GALNT13: variants seen among roughly 807,000 people sequenced by gnomAD.
GALNT13 encodes polypeptide N-acetylgalactosaminyltransferase 13, also known as UDP-GalNAc:polypeptide N-acetylgalactosaminyltransferase 13.
A neutral mutation model predicts 64.2 loss-of-function variants in GALNT13; 28 were observed. That is an observed-to-expected ratio of 0.44 (90% confidence interval 0.32 to 0.60). The LOEUF is 0.60. Among genes scored for constraint, GALNT13 ranks in the 20% least tolerant of loss-of-function variants. The probability of loss-of-function intolerance (pLI) is 0.05; values close to 1 mark genes in which losing one functional copy is unlikely to be tolerated. For synonymous variants in GALNT13, 214 were observed against 224.6 expected (o/e 0.95, Z 0.42); for missense variants, 577 against 669.8 (o/e 0.86, Z 1.53).
At chr2:153,139,543 A>G in the GALNT13 span, among the ~76,000 whole-genome samples, 24 of 152,068 alleles carry the variant, frequency 1.6e-4, no homozygotes, top group South Asian at 5.0e-3. Flanking sequence ...CTTAGAAGAG[A>G]TGGCATCTGA....
upstream of GALNT13, among the ~76,000 whole-genome samples, chr2:153,867,771 G>A (rs1360342304): frequency 6.6e-6 from 1 of 151,768 alleles, no homozygotes; most frequent in African/African-American, 2.4e-5. Flanking sequence ...TTCTCATAAG[G>A]AGCACAACCT....
At chr2:153,826,358 G>A in the GALNT13 span, among the ~76,000 whole-genome samples, 6 of 152,186 alleles carry the variant, frequency 3.9e-5, no homozygotes, top group African/African-American at 1.4e-4. Context: ...GCAGAGTCAT[G>A]TCTTCTCATG....
At chr2:153,478,095 G>T in the GALNT13 span, 1 of 680,562 alleles carries the variant, frequency 1.5e-6, no homozygotes, top group Non-Finnish European at 2.4e-6. Flanking sequence ...GAAACCGGTC[G>T]CTTCTTTCCG....
chr2:153,292,842 A>G, the GALNT13 span, among the ~76,000 whole-genome samples: 78 of 152,218 alleles, frequency 5.1e-4, no homozygotes, highest in Non-Finnish European at 4.7e-4. Flanking sequence ...TATAATTCCC[A>G]TCAGACATTT....
intron 9 of GALNT13, among the ~76,000 whole-genome samples, chr2:154,344,036 C>G (rs1695922762): frequency 6.6e-6 from 1 of 151,870 alleles, no homozygotes; most frequent in Non-Finnish European, 1.5e-5. Context: ...TTTTCTCTCT[C>G]CTTGTGAGTC....
chr2:153,512,844 T>C, the GALNT13 span, among the ~76,000 whole-genome samples: 1 of 152,222 alleles, frequency 6.6e-6, no homozygotes, highest in Non-Finnish European at 1.5e-5. Context: ...TGGCAAAGAA[T>C]GAGTAAAACT....
the GALNT13 span, among the ~76,000 whole-genome samples, chr2:153,571,615 A>C: frequency 6.6e-6 from 1 of 151,976 alleles, no homozygotes; most frequent in Non-Finnish European, 1.5e-5. Flanking sequence ...ATATTGACAT[A>C]TGTTCCTTCT....
At chr2:153,974,100 CTT>C (rs1276871278) in intron 3 of GALNT13, among the ~76,000 whole-genome samples, 4 of 152,074 alleles carry the variant, frequency 2.6e-5, no homozygotes, top group Non-Finnish European at 2.9e-5. Context: ...CCCTACCAAT[CTT>C]TTCTCCACAC....
chr2:154,037,733 G>A (rs1698744621), intron 3 of GALNT13, among the ~76,000 whole-genome samples: 2 of 152,108 alleles, frequency 1.3e-5, no homozygotes, highest in South Asian at 4.1e-4. Flanking sequence ...TGGAAAAGAA[G>A]TCAAGAAAGT....
intron 7 of GALNT13, among the ~76,000 whole-genome samples, chr2:154,258,302 C>T (rs977611373): frequency 4.6e-5 from 7 of 152,036 alleles, no homozygotes; most frequent in African/African-American, 1.2e-4. Flanking sequence ...GAATTTTGAA[C>T]GTGAAACCAA....
At chr2:154,357,278 A>G (rs1162449205) in intron 9 of GALNT13, among the ~76,000 whole-genome samples, 2 of 152,194 alleles carry the variant, frequency 1.3e-5, no homozygotes, top group African/African-American at 2.4e-5. Flanking sequence ...ATTTGGGGCA[A>G]TATGTATTCT....
rs1408279187 is a variant in GALNT13 at position 154,164,257 on chromosome 2, TA to T, written c.311+23753del. On this transcript the variant is annotated intron_variant, in intron 4 of 12. Transcript: ENST00000392825. ...AATCTTTATCAGGAAAAACTGGTAA[TA>T]GGGGTAAATTACCATATAGATGATC... Among the ~76,000 whole-genome samples the T allele has an allele frequency of 7.2e-5, 11 of 152,174 alleles. No homozygotes were observed. In the South Asian group the frequency reaches 1.2e-3, roughly 17 times the overall value.
At chr2:153,279,661 T>G in the GALNT13 span, among the ~76,000 whole-genome samples, 1 of 152,170 alleles carries the variant, frequency 6.6e-6, no homozygotes, top group Non-Finnish European at 1.5e-5. Flanking sequence ...TGAATTTTAT[T>G]TATGGATTTT....
the GALNT13 span, among the ~76,000 whole-genome samples, chr2:153,698,922 G>A: frequency 3.3e-5 from 5 of 152,106 alleles, no homozygotes; most frequent in South Asian, 2.1e-4. Flanking sequence ...TAGTACTCAC[G>A]ATTAAGAAAT....
intron 9 of GALNT13, among the ~76,000 whole-genome samples, chr2:154,380,615 A>G (rs1698221216): frequency 6.6e-6 from 1 of 152,092 alleles, no homozygotes; most frequent in Non-Finnish European, 1.5e-5. Context: ...AGACATTCCA[A>G]GTGAAATCTG....
chr2:154,449,365 C>G (rs707077), intron 12 of GALNT13, among the ~76,000 whole-genome samples: 64,361 of 148,140 alleles, frequency 0.43, 15,364 homozygotes, highest in Admixed American at 0.58. Context: ...GTTCCTCTAC[C>G]ATTTTTATGG....
the GALNT13 span, among the ~76,000 whole-genome samples, chr2:153,363,455 T>C: frequency 4.6e-5 from 7 of 152,048 alleles, no homozygotes; most frequent in Admixed American, 4.6e-4. Context: ...AGCTGGTTTT[T>C]TGAAAAAATT....
chr2:153,104,579 C>T, the GALNT13 span, among the ~76,000 whole-genome samples: 2 of 152,216 alleles, frequency 1.3e-5, no homozygotes, highest in East Asian at 3.9e-4. Flanking sequence ...GTTTGAGGCC[C>T]CTGCTTTATC....
chr2:153,600,364 T>C, the GALNT13 span, among the ~76,000 whole-genome samples: 1 of 152,056 alleles, frequency 6.6e-6, no homozygotes, highest in Non-Finnish European at 1.5e-5. Context: ...TGAAAAATTA[T>C]TCATTTTGCT....
Sources: allele counts gnomAD v4.1 joint callset (sites outside exome capture counted in the v4.1 genomes callset), GRCh38; gene constraint gnomAD v4.1.1; transcripts MANE v1.5; gene names NCBI Gene and HGNC (gene_info 2026-07-23, HGNC 2026-07-21).